EBF1: variants seen among roughly 807,000 people sequenced by gnomAD.
The protein encoded by EBF1 is EBF transcription factor 1.
A neutral mutation model predicts 68.4 loss-of-function variants in EBF1; 10 were observed. The observed-to-expected ratio is 0.15, with a 90% CI of 0.09 to 0.25. The LOEUF (loss-of-function observed/expected upper bound fraction) is 0.25. Ranked by LOEUF, EBF1 falls within the 10% of genes least tolerant of loss-of-function variation. EBF1 has a pLI of 1.00. For missense variants in EBF1, 509 were observed against 794.4 expected (o/e 0.64, Z 4.32); for synonymous variants, 298 against 299.8 (o/e 0.99, Z 0.06).
intron 13 of EBF1, 41 bp from the exon 14 acceptor site, chr5:158,712,374 A>C: frequency 6.2e-7 from 1 of 1,603,686 alleles, no homozygotes; most frequent in South Asian, 1.1e-5. Context: ...GGTGGCATTC[A>C]GATGGTGGCA....
At chr5:158,798,849 G>A (rs1021231834) in intron 8 of EBF1, among the ~76,000 whole-genome samples, 8 of 152,076 alleles carry the variant, frequency 5.3e-5, no homozygotes, top group African/African-American at 1.9e-4. Context: ...AAGTACCCCA[G>A]GAAGAATGAC....
At position 158,697,731 on chromosome 5, in the gene EBF1, GAAC is replaced by G. The variant is rs756538712; in HGVS notation, c.*1377_*1379del. 15 of 204,864 alleles carry G rather than the reference GAAC, an allele frequency of 7.3e-5. No homozygotes were observed. The highest frequency in any genetic ancestry group is 2.2e-4 in the East Asian group (3 of 13,664). 12.7% of individuals were successfully genotyped at this position (204,864 alleles called of 1,614,324 possible). A position where few individuals can be genotyped will look rare whatever the true frequency, so the allele number is the denominator to read the frequency against. On this transcript the variant is annotated 3_prime_UTR_variant, in exon 16 of 16. Transcript: ENST00000313708. ...CTTAAGACATTAAAATGTATAAATA[GAAC>G]AACAACTTTGGCAAAAAATCACAAA...
chr5:158,712,245 C>A lies in EBF1; in HGVS notation c.1458G>T (p.Thr486=), dbSNP rs757758762. 1 of 1,613,920 alleles carries A rather than the reference C, an allele frequency of 6.2e-7. No individual in the cohort carries two copies. Among genetic ancestry groups the A allele is most frequent in the Admixed American group, 1.7e-5 (1 of 60,010 alleles). Residue 486 remains threonine (T), a synonymous_variant, in exon 14 of 16, where the codon ACG becomes ACT. Coordinates refer to ENST00000313708, the MANE Select transcript of EBF1 (RefSeq NM_024007.5). Reference sequence around the variant, plus strand: ...CGGCAGAGCCGTATCCGTTCATGCTCGTGGTGACGGAGTTATAGTTGGTCT... The same window carrying A: ...CGGCAGAGCCGTATCCGTTCATGCTAGTGGTGACGGAGTTATAGTTGGTCT... ...PQQTNYNSVT[T]SMNGYGSAAM...
At chr5:159,021,775 G>GC (rs1308975489) in intron 6 of EBF1, among the ~76,000 whole-genome samples, 2 of 152,174 alleles carry the variant, frequency 1.3e-5, no homozygotes, top group Non-Finnish European at 2.9e-5. Context: ...TTGACAAAGA[G>GC]CATATACAAC....
At chr5:158,816,783 G>T (rs545297162) in intron 8 of EBF1, among the ~76,000 whole-genome samples, 1 of 151,784 alleles carries the variant, frequency 6.6e-6, no homozygotes, top group African/African-American at 2.4e-5. Flanking sequence ...TCAATAATAC[G>T]AAGCCATCTG....
intron 1 of EBF1, 67 bp downstream of exon 1, chr5:159,099,278 G>A (rs868052100): frequency 1.5e-4 from 131 of 885,708 alleles, no homozygotes; most frequent in Non-Finnish European, 1.8e-4. Flanking sequence ...CGCTGCCGCT[G>A]CCGCCTCCGC....
chr5:158,805,460 A>T (rs1479154510), intron 8 of EBF1, among the ~76,000 whole-genome samples: 1 of 152,124 alleles, frequency 6.6e-6, no homozygotes, highest in African/African-American at 2.4e-5. Context: ...TTATCTGAAT[A>T]TGAATTTTTA....
At chr5:158,959,832 G>A (rs192174015) in intron 6 of EBF1, among the ~76,000 whole-genome samples, 7 of 152,074 alleles carry the variant, frequency 4.6e-5, no homozygotes, top group African/African-American at 1.7e-4. Flanking sequence ...ATGAAAATGG[G>A]GGATGATTAT....
intron 10 of EBF1, among the ~76,000 whole-genome samples, chr5:158,771,890 T>A (rs113120123): frequency 7.2e-5 from 11 of 152,268 alleles, no homozygotes; most frequent in African/African-American, 2.6e-4. Context: ...CTCATTGCTA[T>A]CAGCCCAGGG....
chr5:159,080,054 A>G (rs1779479286), intron 5 of EBF1, among the ~76,000 whole-genome samples: 1 of 151,756 alleles, frequency 6.6e-6, no homozygotes, highest in Non-Finnish European at 1.5e-5. Context: ...TCCCTTGTCA[A>G]TCCCATCTAA....
chr5:158,775,062 A>T (rs1484425029), intron 10 of EBF1, among the ~76,000 whole-genome samples: 1 of 151,548 alleles, frequency 6.6e-6, no homozygotes, highest in Non-Finnish European at 1.5e-5. Flanking sequence ...TCATACCTTA[A>T]ATTTCCCACA....
At chr5:158,763,300 A>G (rs1009809045) in intron 10 of EBF1, among the ~76,000 whole-genome samples, 4 of 152,162 alleles carry the variant, frequency 2.6e-5, no homozygotes, top group South Asian at 2.1e-4. Context: ...TCCCTCCCCA[A>G]ATGGACCCAG....
At chr5:159,056,059 G>A (rs1030936689) in intron 6 of EBF1, among the ~76,000 whole-genome samples, 2 of 152,098 alleles carry the variant, frequency 1.3e-5, no homozygotes, top group Non-Finnish European at 1.5e-5. Flanking sequence ...TTTTTAATAG[G>A]TTTAGCATGA....
intron 6 of EBF1, among the ~76,000 whole-genome samples, chr5:159,048,706 C>T (rs1772943261): frequency 6.6e-6 from 1 of 152,170 alleles, no homozygotes; most frequent in African/African-American, 2.4e-5. Flanking sequence ...AAACTACCTG[C>T]ATCCAAATCC....
intron 6 of EBF1, among the ~76,000 whole-genome samples, chr5:158,846,032 G>A (rs1404629011): frequency 6.6e-6 from 1 of 152,126 alleles, no homozygotes; most frequent in African/African-American, 2.4e-5. Context: ...ATGCATCAAG[G>A]CACACCTAAA....
At chr5:158,935,582 C>A (rs1378825887) in intron 6 of EBF1, among the ~76,000 whole-genome samples, 1 of 152,028 alleles carries the variant, frequency 6.6e-6, no homozygotes, top group Non-Finnish European at 1.5e-5. Flanking sequence ...ACCCATCTCC[C>A]AAAAAAGGCA....
chr5:159,002,584 G>A (rs993516373), intron 6 of EBF1, among the ~76,000 whole-genome samples: 13 of 152,042 alleles, frequency 8.6e-5, no homozygotes, highest in Non-Finnish European at 1.3e-4. Context: ...AAATCCATAG[G>A]GCATTCATCT....
chr5:159,097,013 G>T lies in EBF1; in HGVS notation c.252C>A (p.Ile84=). Residue 84 remains isoleucine (I), a synonymous_variant, in exon 2 of 16, where the codon ATC becomes ATA. Transcript: ENST00000313708. ...CGAACCCCACAAACGCTGTCCTCTC[G>T]ATCTCCACGGGCTGGCCCTGTCTGT... ...LYDRQGQPVE[I]ERTAFVGFVE... The T allele has an allele frequency of 6.2e-7, 1 of 1,614,092 alleles. No individual in the cohort carries two copies. Among genetic ancestry groups the T allele is most frequent in the Non-Finnish European group, 8.5e-7 (1 of 1,180,008 alleles).
chr5:158,756,318 A>G (rs1037567030), intron 10 of EBF1, among the ~76,000 whole-genome samples: 4 of 151,898 alleles, frequency 2.6e-5, no homozygotes, highest in African/African-American at 9.7e-5. Flanking sequence ...CAGGGTAATC[A>G]GTCATCTTGA....
Sources: gnomAD v4.1 joint callset for allele counts (sites outside exome capture counted in the v4.1 genomes callset) on GRCh38, gnomAD v4.1.1 for gene constraint, MANE v1.5 for transcripts, NCBI Gene and HGNC (gene_info 2026-07-23, HGNC 2026-07-21) for gene names.